Variants in KLK10 observed in about 807,000 individuals in gnomAD.
KLK10 encodes kallikrein related peptidase 10.
Under a neutral mutation model 25.7 loss-of-function variants are expected in KLK10, and 27 were observed. That is an observed-to-expected ratio of 1.05 (90% CI 0.77 to 1.45). The LOEUF is 1.45. Ranked by LOEUF, KLK10 falls within the 40% of genes most tolerant of loss-of-function variation. The pLI, the probability that KLK10 is intolerant of heterozygous loss-of-function variation, is 0.00. For missense variants in KLK10, 386 were observed against 370.0 expected (o/e 1.04, Z -0.35); for synonymous variants, 173 against 160.1 (o/e 1.08, Z -0.61).
At position 51,014,123 on chromosome 19, in the gene KLK10, G is replaced by A. The variant is rs1336576927; in HGVS notation, c.*677C>T. 2.6e-5 allele frequency: 4 copies of A among 152,298 alleles called. No individual in the cohort carries two copies. Among genetic ancestry groups the A allele is most frequent in the Admixed American group, 2.6e-4 (4 of 15,280 alleles). The allele number at this position is 152,298 out of a possible 1,614,324, so 9.4% of individuals were successfully genotyped here. ...AACAGTGGGAGATGAGAAGGAAGTG[G>A]TTAAAAGGTGTTTCCTGGGACTTGG... is the stretch of plus-strand genomic sequence containing the variant. On this transcript the variant is annotated 3_prime_UTR_variant, in exon 6 of 6. Coordinates refer to ENST00000358789, the MANE Select transcript of KLK10 (RefSeq NM_145888.3).
chr19:51,015,979 C>A lies in KLK10; in HGVS notation c.447G>T (p.Leu149=). 1 of 1,578,196 alleles carries A rather than the reference C, an allele frequency of 6.3e-7. No individual in the cohort carries two copies. Among genetic ancestry groups the A allele is most frequent in the Non-Finnish European group, 8.6e-7 (1 of 1,162,514 alleles). ...GCTGCAGGGCCCGGACGCGGGGCCCCAGCACTACGGGCCTGGCCAGCTTCA... is the reference window on the plus strand; with the variant it reads ...GCTGCAGGGCCCGGACGCGGGGCCCAAGCACTACGGGCCTGGCCAGCTTCA... The part of the protein sequence containing the change: ...MLLKLARPVV[L]GPRVRALQLP... Residue 149 remains leucine (L), a synonymous_variant, in exon 4 of 6, where the codon CTG becomes CTT. Transcript: ENST00000358789.
Position 51,019,078 on chromosome 19 carries a change from G to A in KLK10, c.53C>T (p.Ala18Val). ...CGCCATCAGCAGCGGCAGCAGCTTC[G>A]CCAGAGCCCGGGCGCCAGAGGCGGC... ...LSAASGARAL[A>V]KLLPLLMAQL... is the part of the protein sequence containing the mutation. Residue 18 changes from alanine to valine, a missense_variant, in exon 2 of 6, where the codon GCG becomes GTG. Transcript: ENST00000358789. This position sits in a 1 kb window ranked among gnomAD's most constrained non-coding sequence, Gnocchi z 4.2. The A allele has an allele frequency of 6.2e-7, 1 of 1,607,374 alleles. No homozygotes were observed. The highest frequency in any genetic ancestry group is 8.5e-7 in the Non-Finnish European group (1 of 1,179,388).
In KLK10 at chr19:51,013,386, T is replaced by C. The variant is rs1183536885; in HGVS notation, c.*1414A>G. The C allele has an allele frequency of 1.3e-5, 2 of 152,244 alleles. No individual in the cohort carries two copies. The highest frequency in any genetic ancestry group is 4.8e-5 in the African/African-American group (2 of 41,466). The allele number at this position is 152,244 out of a possible 1,614,324, so 9.4% of individuals were successfully genotyped here. On this transcript the variant is annotated 3_prime_UTR_variant, in exon 6 of 6. Coordinates refer to ENST00000358789, the MANE Select transcript of KLK10 (RefSeq NM_145888.3). ...TGTGCCTATATTCAGCTAGCTTATG[T>C]TACTGCTTCAAAGTTCAGGATAAGC...
Position 51,017,219 on chromosome 19 carries a change from G to A in KLK10, c.160C>T (p.Arg54Cys), listed in dbSNP as rs757189862. ...GAGACCTGCCAGGGCTGCGAGCCGC[G>A]CGCGCACGGGGAGCCATAGGCTTCG... is the stretch of plus-strand genomic sequence containing the variant. ...DPEAYGSPCA[R>C]GSQPWQVSLF... Residue 54 changes from arginine to cysteine, a missense_variant, in exon 3 of 6, where the codon CGC becomes TGC. By Grantham distance (180) the Arg-to-Cys change is radical. Transcript: ENST00000358789. 1 of 1,612,288 alleles carries A rather than the reference G, an allele frequency of 6.2e-7. No homozygotes were observed. The highest frequency in any genetic ancestry group is 1.1e-5 in the South Asian group (1 of 90,926).
rs2091292057 is a variant in KLK10, at chr19:51,014,041, T to C, written c.*759A>G. The stretch of plus-strand genomic sequence containing the variant: ...CTCATGAAGGCAGAGAAGGTGCTAA[T>C]GACTCAGGGCCAGCCTAGCTCGGAG... On this transcript the variant is annotated 3_prime_UTR_variant, in exon 6 of 6. Transcript: ENST00000358789. The C allele has an allele frequency of 6.8e-6, 1 of 146,992 alleles. No individual in the cohort carries two copies. The highest frequency in any genetic ancestry group is 2.1e-4 in the South Asian group (1 of 4,720). The allele number at this position is 146,992 out of a possible 1,614,324, so 9.1% of individuals were successfully genotyped here.
chr19:51,016,260 G>A, intron 3 of KLK10, 104 bp from the exon 4 acceptor site: 2 of 1,297,456 alleles, frequency 1.5e-6, no homozygotes, highest in Non-Finnish European at 2.1e-6. Context: ...TGAGGGAAGA[G>A]GGCCTTGTGG....
chr19:51,016,101 G>A lies in KLK10; in HGVS notation c.325C>T (p.Leu109Phe). ...ACAACAGAGCGAGTGGTCCGGCGGA[G>A]CTGCTCTCCCTGAAGAAGCAGCAGG... ...DHLLLLQGEQLRRTTRSVVHP... is the reference protein window; with the variant it reads ...DHLLLLQGEQFRRTTRSVVHP... The change falls in exon 4 of 6, where the codon CTC (leucine) becomes TTC (phenylalanine). Residue 109 changes from leucine to phenylalanine, a missense_variant. Physicochemically the swap from Leu to Phe is conservative, Grantham distance 22. Coordinates refer to ENST00000358789, the MANE Select transcript of KLK10 (RefSeq NM_145888.3). The A allele has an allele frequency of 1.9e-6, 3 of 1,580,558 alleles. No individual in the cohort carries two copies. Among genetic ancestry groups the A allele is most frequent in the Non-Finnish European group, 8.6e-7 (1 of 1,163,432 alleles).
intron 2 of KLK10, 153 bp from the exon 3 acceptor site, chr19:51,017,443 G>A (rs1045773451): frequency 1.5e-6 from 1 of 673,138 alleles, no homozygotes; most frequent in Non-Finnish European, 2.5e-6. Context: ...CGCGTGCACC[G>A]AAGGGAATGG....
In KLK10 at chr19:51,015,854, G is replaced by T. The variant is rs1432848146; in HGVS notation, c.544+28C>A. 9.4e-6 allele frequency: 14 copies of T among 1,490,590 alleles called. No homozygotes were observed. In the East Asian group the frequency reaches 2.8e-4, roughly 30 times the overall value. The allele number at this position is 1,490,590 out of a possible 1,614,324, so 92.3% of individuals were successfully genotyped here. ...AGGCCCTCAGCCCCCTCCTCCTGAG[G>T]TTCCGGCCTCAGAGCCCCAGCTCTT... On this transcript the variant is annotated intron_variant, in intron 4 of 5. Coordinates refer to ENST00000358789, the MANE Select transcript of KLK10 (RefSeq NM_145888.3).
At position 51,014,356 on chromosome 19, in the gene KLK10, A is replaced by T. The variant is rs2091295245; in HGVS notation, c.*444T>A. ...AATCACCATGAAGATTTACATACAC[A>T]TGTTATATCATAGTCTCCTCACAAC... On this transcript the variant is annotated 3_prime_UTR_variant, in exon 6 of 6. Transcript: ENST00000358789. 5.9e-6 allele frequency: 1 copy of T among 168,188 alleles called. No individual in the cohort carries two copies. The highest frequency in any genetic ancestry group is 5.8e-5 in the Admixed American group (1 of 17,314). 10.4% of individuals were successfully genotyped at this position (168,188 alleles called of 1,614,324 possible). A position where few individuals can be genotyped will look rare whatever the true frequency, so the allele number is the denominator to read the frequency against.
At chr19:51,018,021 A>AAAAAAAAAAAAC in intron 2 of KLK10, among the ~76,000 whole-genome samples, 1 of 145,302 alleles carries the variant, frequency 6.9e-6, no homozygotes, top group South Asian at 2.3e-4. Flanking sequence ...AAAAAAAAAA[A>AAAAAAAAAAAAC]AAAAGCCGGA....
chr19:51,016,771 C>G (rs1223622711), intron 3 of KLK10, among the ~76,000 whole-genome samples: 1 of 152,032 alleles, frequency 6.6e-6, no homozygotes, highest in Non-Finnish European at 1.5e-5. Flanking sequence ...AATACCCAAC[C>G]CTTCCTCCTT....
chr19:51,018,304 A>C (rs2091361367), intron 2 of KLK10, among the ~76,000 whole-genome samples: 1 of 151,568 alleles, frequency 6.6e-6, no homozygotes, highest in South Asian at 2.1e-4. Flanking sequence ...GAAGGAAGGA[A>C]AAGAAGAACG....
rs2091283638 is a variant in KLK10, at chr19:51,012,896, C to T, written c.*1904G>A. The T allele has an allele frequency of 6.6e-6, 1 of 152,136 alleles. No homozygotes were observed. The allele number at this position is 152,136 out of a possible 1,614,324, so 9.4% of individuals were successfully genotyped here. A position where few individuals can be genotyped will look rare whatever the true frequency, so the allele number is the denominator to read the frequency against. On this transcript the variant is annotated 3_prime_UTR_variant, in exon 6 of 6. Transcript: ENST00000358789. The stretch of plus-strand genomic sequence containing the variant: ...GACTTTTGAGTGGAGACCTGAATGA[C>T]AGGAATGTAAGACTGGCCTGTCTCC...
intron 2 of KLK10, 81 bp from the exon 3 acceptor site, chr19:51,017,371 C>T: frequency 7.5e-7 from 1 of 1,333,726 alleles, no homozygotes; most frequent in Non-Finnish European, 1.0e-6. Flanking sequence ...TGGCACTGGA[C>T]TGCGTTCGGG....
Position 51,017,262 on chromosome 19 carries a change from G to A in KLK10, c.117C>T (p.Asn39=), listed in dbSNP as rs200959628. The change falls in exon 3 of 6, where the codon AAC becomes AAT. Residue 39 remains asparagine (N), a synonymous_variant. Transcript: ENST00000358789. The part of the protein sequence containing the change: ...WAAEAALLPQ[N]DTRLDPEAYG... ...AGGCTTCGGGGTCCAAGCGCGTGTC[G>A]TTTTGGGGGAGCAGCGCCGCCTCTG... The A allele has an allele frequency of 2.7e-4, 436 of 1,608,698 alleles. No homozygotes were observed. Among genetic ancestry groups the A allele is most frequent in the Non-Finnish European group, 3.3e-4 (388 of 1,177,924 alleles).
In KLK10 at chr19:51,019,149, T is replaced by C. The variant is rs1159133235; in HGVS notation, c.-9-10A>G. On this transcript the variant is annotated splice_polypyrimidine_tract_variant and intron_variant, in intron 1 of 5. Transcript: ENST00000358789. The surrounding 1 kb of genome is among the most constrained non-coding windows in gnomAD (Gnocchi z 4.2). ...CTCTCATGGCCAGGATCTGCTGGGGTGTGTGCAGGGGCGGGTTAAAACAGA... is the reference window on the plus strand; with the variant it reads ...CTCTCATGGCCAGGATCTGCTGGGGCGTGTGCAGGGGCGGGTTAAAACAGA... 5 of 1,594,190 alleles carry C rather than the reference T, an allele frequency of 3.1e-6. No homozygotes were observed. The East Asian group carries it at 1.1e-4, about 36-fold the overall frequency.
chr19:51,018,907 C>T, intron 2 of KLK10, 136 bp downstream of exon 2: 1 of 682,518 alleles, frequency 1.5e-6, no homozygotes, highest in Non-Finnish European at 2.5e-6. Flanking sequence ...TGGGGGCGGG[C>T]CGTGCTCCGG....
In KLK10 at chr19:51,014,351, T is replaced by C. The variant is rs1411721410; in HGVS notation, c.*449A>G. On this transcript the variant is annotated 3_prime_UTR_variant, in exon 6 of 6. Transcript: ENST00000358789. ...ATGACAATCACCATGAAGATTTACA[T>C]ACACATGTTATATCATAGTCTCCTC... 1 of 166,712 alleles carries C rather than the reference T, an allele frequency of 6.0e-6. No individual in the cohort carries two copies. The highest frequency in any genetic ancestry group is 1.3e-5 in the Non-Finnish European group (1 of 77,040). 10.3% of individuals were successfully genotyped at this position (166,712 alleles called of 1,614,324 possible).
Sources: gnomAD v4.1 joint callset for allele counts (sites outside exome capture counted in the v4.1 genomes callset) on GRCh38, gnomAD v4.1.1 for gene constraint, Gnocchi (gnomAD v3.1) non-coding constraint, MANE v1.5 for transcripts, NCBI Gene and HGNC (gene_info 2026-07-23, HGNC 2026-07-21) for gene names.